PREX2: variants seen among roughly 807,000 people sequenced by gnomAD.
PREX2 encodes phosphatidylinositol-3,4,5-trisphosphate dependent Rac exchange factor 2, also known as phosphatidylinositol 3,4,5-trisphosphate-dependent Rac exchanger 2 protein.
In PREX2, 107 loss-of-function variants were observed where a neutral mutation model predicts 203.2. The observed-to-expected ratio is 0.53, with a 90% confidence interval of 0.45 to 0.62. The LOEUF (loss-of-function observed/expected upper bound fraction) is 0.62, where lower values mean the gene tolerates loss of function less well. Among genes scored for constraint, PREX2 ranks in the 20% least tolerant of loss-of-function variants. The pLI is 0.00. For synonymous variants in PREX2, 672 were observed against 663.6 expected, an observed-to-expected ratio of 1.01 and a Z score of -0.19; for missense variants, 1,777 against 1,955.9, an observed-to-expected ratio of 0.91 and a Z score of 1.72.
chr8:68,069,732 G>T (rs976446005), intron 12 of PREX2, 103 bp from the exon 13 acceptor site: 5 of 569,484 alleles, frequency 8.8e-6, no homozygotes, highest in Non-Finnish European at 1.6e-5. Flanking sequence ...ATTTTGTGAT[G>T]ATTCTAAAAT....
intron 35 of PREX2, among the ~76,000 whole-genome samples, chr8:68,189,086 T>G (rs1468898716): frequency 6.6e-6 from 1 of 152,170 alleles, no homozygotes; most frequent in Admixed American, 6.5e-5. Context: ...ATTTGTAATA[T>G]TTTATTTATT....
chr8:68,182,408 T>A (rs1385368496), intron 35 of PREX2, among the ~76,000 whole-genome samples: 1 of 152,136 alleles, frequency 6.6e-6, no homozygotes, highest in Non-Finnish European at 1.5e-5. Flanking sequence ...GCATACTCAC[T>A]CTCTAATTTT....
rs1453940796 is a variant in PREX2, at chr8:68,104,630, GT to G, written c.2716-3475del. Among the ~76,000 whole-genome samples the G allele has an allele frequency of 2.6e-5, 4 of 152,232 alleles. No homozygotes were observed. In the East Asian group the frequency reaches 7.7e-4, roughly 29 times the overall value. Reference sequence around the variant, plus strand: ...CAACCCTCTTACACTGCTCAATTTTGTTTTCAGTTACATTTACCATCTATCA... The same window carrying G: ...CAACCCTCTTACACTGCTCAATTTTGTTTCAGTTACATTTACCATCTATCA... On this transcript the variant is annotated intron_variant, in intron 23 of 39. Coordinates refer to ENST00000288368, the MANE Select transcript of PREX2 (RefSeq NM_024870.4).
intron 18 of PREX2, among the ~76,000 whole-genome samples, chr8:68,086,098 T>A (rs952751801): frequency 1.3e-5 from 2 of 152,178 alleles, no homozygotes; most frequent in Non-Finnish European, 2.9e-5. Flanking sequence ...TCAAAGGAAA[T>A]GAATACAGCC....
chr8:67,974,457 T>C (rs940920152), intron 1 of PREX2, among the ~76,000 whole-genome samples: 2 of 152,226 alleles, frequency 1.3e-5, no homozygotes, highest in African/African-American at 4.8e-5. Flanking sequence ...ATAGGTATTA[T>C]ATATTATAAC....
rs1270098263 is a variant in PREX2 at position 67,952,353 on chromosome 8, TC to T, written c.-41del. ...CAGCAGCGGGCGCGCGGGTCAGCGC[TC>T]AGCACGGCGGGCAGCGCCGCGCTGC... On this transcript the variant is annotated 5_prime_UTR_variant, in exon 1 of 40. Coordinates refer to ENST00000288368, the MANE Select transcript of PREX2 (RefSeq NM_024870.4). The T allele has an allele frequency of 6.8e-7, 1 of 1,464,726 alleles. No homozygotes were observed. Among genetic ancestry groups the T allele is most frequent in the East Asian group, 2.9e-5 (1 of 34,140 alleles). 90.7% of individuals were successfully genotyped at this position (1,464,726 alleles called of 1,614,324 possible). A position where few individuals can be genotyped will look rare whatever the true frequency, so the allele number is the denominator to read the frequency against.
At chr8:67,955,147 CAAAAAAA>C (rs1183491822) in intron 1 of PREX2, among the ~76,000 whole-genome samples, 3 of 51,908 alleles carry the variant, frequency 5.8e-5, no homozygotes, top group Non-Finnish European at 6.9e-5. Flanking sequence ...GACTCCATCT[CAAAAAAA>C]AAAAAAAAAA....
Position 68,231,438 on chromosome 8 carries a change from C to A in PREX2, c.*60C>A. ...CCTGAATGCTGGACTAGACAAACTA[C>A]ATGCTGGCTAAACATTCTCCACTGA... is the stretch of plus-strand genomic sequence containing the variant. On this transcript the variant is annotated 3_prime_UTR_variant, in exon 40 of 40. Coordinates refer to ENST00000288368, the MANE Select transcript of PREX2 (RefSeq NM_024870.4). 2.3e-6 allele frequency: 3 copies of A among 1,307,620 alleles called. No individual in the cohort carries two copies. Among genetic ancestry groups the A allele is most frequent in the South Asian group, 1.4e-5 (1 of 70,874 alleles). The allele number at this position is 1,307,620 out of a possible 1,614,324, so 81.0% of individuals were successfully genotyped here.
At chr8:67,984,646 T>A (rs1806363421) in intron 1 of PREX2, among the ~76,000 whole-genome samples, 1 of 152,182 alleles carries the variant, frequency 6.6e-6, no homozygotes, top group Non-Finnish European at 1.5e-5. Context: ...GTGCCAAAGA[T>A]CTGTTACTGT....
At position 68,138,497 on chromosome 8, in the gene PREX2, A is replaced by G. The variant is rs1345842257; in HGVS notation, c.4067A>G (p.Glu1356Gly). 6.3e-7 allele frequency: 1 copy of G among 1,593,200 alleles called. No homozygotes were observed. Among genetic ancestry groups the G allele is most frequent in the African/African-American group, 1.3e-5 (1 of 74,548 alleles). ...EKVSFYFKPS[E>G]EEPLVANVPL... is the part of the protein sequence containing the mutation. The stretch of plus-strand genomic sequence containing the variant: ...GTTTCCTTTTACTTTAAACCATCAG[A>G]AGAGGAACCTCTGGTTGCAAGTAAG... Residue 1356 changes from glutamate (E) to glycine (G), a missense_variant, in exon 33 of 40, where the codon GAA becomes GGA. Physicochemically the swap from Glu to Gly is moderately conservative, Grantham distance 98. Transcript: ENST00000288368.
chr8:68,217,760 C>G (rs1462753261), intron 38 of PREX2, 42 bp downstream of exon 38: 1 of 1,421,868 alleles, frequency 7.0e-7, no homozygotes. Context: ...TTTGTAGGCC[C>G]TGGACTTGAA....
chr8:68,105,464 A>G lies in PREX2; in HGVS notation c.2716-2645A>G. 2.6e-6 allele frequency: 3 copies of G among 1,158,288 alleles called. No homozygotes were observed. In the South Asian group the frequency reaches 5.4e-5, roughly 21 times the overall value. 71.8% of individuals were successfully genotyped at this position (1,158,288 alleles called of 1,614,324 possible). A position where few individuals can be genotyped will look rare whatever the true frequency, so the allele number is the denominator to read the frequency against. On this transcript the variant is annotated intron_variant, in intron 23 of 39. Transcript: ENST00000288368. Reference sequence around the variant, plus strand: ...CCTGTATTCACAGGCATTTGTATTGAGCTACAAGTTGGAAAGCCAGTCCCC... The same window carrying G: ...CCTGTATTCACAGGCATTTGTATTGGGCTACAAGTTGGAAAGCCAGTCCCC...
chr8:68,188,134 A>G (rs955250095), intron 35 of PREX2, among the ~76,000 whole-genome samples: 1 of 152,174 alleles, frequency 6.6e-6, no homozygotes, highest in Admixed American at 6.5e-5. Flanking sequence ...GCCCTGAACT[A>G]CTGAACCAAA....
chr8:68,032,867 A>G (rs1241626609), intron 6 of PREX2, among the ~76,000 whole-genome samples: 1 of 152,150 alleles, frequency 6.6e-6, no homozygotes, highest in African/African-American at 2.4e-5. Context: ...TTTTGACGTT[A>G]GGAGTCTTGG....
At position 68,115,757 on chromosome 8, in the gene PREX2, C is replaced by T. The variant is rs755852764; in HGVS notation, c.3151C>T (p.Leu1051=). 18 of 1,603,936 alleles carry T rather than the reference C, an allele frequency of 1.1e-5. No individual in the cohort carries two copies. The East Asian group carries it at 3.6e-4, about 32-fold the overall frequency. Residue 1051 remains leucine (L), a synonymous_variant, in exon 26 of 40, where the codon CTG becomes TTG. Transcript: ENST00000288368. ...EMCVCQIDDL[L]SSITYSPKLE... ...TTTTTTAATATTACATTGCAGCCTT[C>T]TGTCTTCAATAACATATTCTCCTAA...
In PREX2 at chr8:68,069,721, G is replaced by T. The variant is rs568339131; in HGVS notation, c.1444-114G>T. 5.5e-6 allele frequency: 3 copies of T among 544,040 alleles called. No homozygotes were observed. In the African/African-American group the frequency reaches 5.8e-5, roughly 10 times the overall value. The allele number at this position is 544,040 out of a possible 1,614,324, so 33.7% of individuals were successfully genotyped here. ...TTTGAATAATTTTTAAATTGGTTTA[G>T]ATTTTGTGATGATTCTAAAATATTG... On this transcript the variant is annotated intron_variant, in intron 12 of 39. Transcript: ENST00000288368.
intron 31 of PREX2, among the ~76,000 whole-genome samples, 170 bp from the exon 32 acceptor site, chr8:68,133,889 A>C (rs1366696093): frequency 6.6e-6 from 1 of 152,366 alleles, no homozygotes; most frequent in East Asian, 1.9e-4. Flanking sequence ...TTTTCTGTAA[A>C]GCATATTTGC....
At chr8:68,199,020 C>T (rs1001284037) in intron 37 of PREX2, among the ~76,000 whole-genome samples, 4 of 152,036 alleles carry the variant, frequency 2.6e-5, no homozygotes, top group Non-Finnish European at 5.9e-5. Flanking sequence ...TGCTTTGTTA[C>T]GAGGGTGAAT....
intron 31 of PREX2, 70 bp downstream of exon 31, chr8:68,127,489 A>G: frequency 9.5e-7 from 1 of 1,056,670 alleles, no homozygotes; most frequent in Non-Finnish European, 1.5e-6. Context: ...AGGCCTTGAA[A>G]TTTGAGGACA....
Sources: gnomAD v4.1 joint callset for allele counts (sites outside exome capture counted in the v4.1 genomes callset) on GRCh38, gnomAD v4.1.1 for gene constraint, MANE v1.5 for transcripts, NCBI Gene and HGNC (gene_info 2026-07-23, HGNC 2026-07-21) for gene names.